Variants in HEPACAM2 observed in about 807,000 individuals in gnomAD.
The protein encoded by HEPACAM2 is HEPACAM family member 2, also known as mitotic kinetics regulator.
Under a neutral mutation model 49.6 loss-of-function variants are expected in HEPACAM2, and 49 were observed. The observed-to-expected ratio is 0.99, with a 90% CI of 0.78 to 1.25. The LOEUF (loss-of-function observed/expected upper bound fraction) is 1.25. Ranked by LOEUF, HEPACAM2 falls within the 50% of genes most tolerant of loss-of-function variation. The probability of loss-of-function intolerance (pLI) is 0.00; values close to 1 mark genes in which losing one functional copy is unlikely to be tolerated. For missense variants in HEPACAM2, 525 were observed against 557.2 expected (o/e 0.94, Z 0.58); for synonymous variants, 197 against 202.9 (o/e 0.97, Z 0.25).
rs370421847 is a variant in HEPACAM2 at position 93,203,594 on chromosome 7, T to C, written c.1012+4986A>G. Among the ~76,000 whole-genome samples the C allele has an allele frequency of 7.2e-5, 11 of 152,232 alleles. No individual in the cohort carries two copies. In the East Asian group the frequency reaches 2.1e-3, roughly 29 times the overall value. On this transcript the variant is annotated intron_variant, in intron 4 of 9. Transcript: ENST00000394468. ...TCCCCATTATTTAAACATGATGGAC[T>C]CATGTGCCAAAGCCATAGTGCAAAT...
At chr7:93,213,470 C>G (rs1023255709) in intron 3 of HEPACAM2, among the ~76,000 whole-genome samples, 3 of 151,684 alleles carry the variant, frequency 2.0e-5, no homozygotes, top group African/African-American at 7.3e-5. Flanking sequence ...TGCTAAAGGT[C>G]AGGAAAAAAA....
At chr7:93,220,886 C>T (rs1000628266) in intron 1 of HEPACAM2, among the ~76,000 whole-genome samples, 2 of 152,112 alleles carry the variant, frequency 1.3e-5, no homozygotes, top group Admixed American at 1.3e-4. Flanking sequence ...AAGCTCTTTG[C>T]TTCAAAATCC....
At chr7:93,218,133 T>C (rs1046679009) in intron 2 of HEPACAM2, among the ~76,000 whole-genome samples, 6 of 151,008 alleles carry the variant, frequency 4.0e-5, no homozygotes, top group African/African-American at 9.8e-5. Context: ...CAGAACCGAG[T>C]GAGTGAGGGG....
intron 4 of HEPACAM2, among the ~76,000 whole-genome samples, chr7:93,203,334 T>C (rs561606041): frequency 1.3e-5 from 2 of 152,192 alleles, no homozygotes; most frequent in South Asian, 4.1e-4. Context: ...AAGTGCCAAA[T>C]ATGTAAAGGA....
chr7:93,191,567 C>A (rs1279931315), intron 9 of HEPACAM2, among the ~76,000 whole-genome samples: 1 of 152,194 alleles, frequency 6.6e-6, no homozygotes, highest in East Asian at 1.9e-4. Flanking sequence ...TGACTGCAGG[C>A]AGCTATAGCC....
At chr7:93,218,411 C>T (rs965005108) in intron 2 of HEPACAM2, among the ~76,000 whole-genome samples, 6 of 151,962 alleles carry the variant, frequency 3.9e-5, no homozygotes, top group South Asian at 2.1e-4. Flanking sequence ...TAGGCTTTCC[C>T]GTGGACTGGA....
chr7:93,191,124 A>G (rs953307338), intron 9 of HEPACAM2, among the ~76,000 whole-genome samples: 11 of 152,046 alleles, frequency 7.2e-5, no homozygotes, highest in African/African-American at 2.7e-4. Context: ...AGAATTAGGT[A>G]TCATTTTAGA....
At chr7:93,223,803 A>G (rs1467090795) in intron 1 of HEPACAM2, among the ~76,000 whole-genome samples, 1 of 152,184 alleles carries the variant, frequency 6.6e-6, no homozygotes, top group East Asian at 1.9e-4. Flanking sequence ...ACAGTATCTT[A>G]TCTCAGCCAC....
At chr7:93,215,341 G>A in intron 3 of HEPACAM2, 60 bp downstream of exon 3, 2 of 1,457,512 alleles carry the variant, frequency 1.4e-6, no homozygotes, top group Non-Finnish European at 1.9e-6. Context: ...TGACTATCCT[G>A]GGAGATATTC....
intron 1 of HEPACAM2, among the ~76,000 whole-genome samples, chr7:93,220,383 G>C (rs1049582065): frequency 6.6e-6 from 1 of 152,152 alleles, no homozygotes; most frequent in Non-Finnish European, 1.5e-5. Context: ...TTGGAAAAAG[G>C]CTGATTGTGA....
chr7:93,206,800 A>T (rs971440616), intron 4 of HEPACAM2, among the ~76,000 whole-genome samples: 1 of 152,012 alleles, frequency 6.6e-6, no homozygotes, highest in Non-Finnish European at 1.5e-5. Context: ...ATCCCAAAAT[A>T]CCGAGGTGAT....
In HEPACAM2 at chr7:93,189,044, T is replaced by C. The variant is rs946183313; in HGVS notation, c.*223A>G. ...GAGAACGACTCTCCACTGAGGAATA[T>C]TTCCCCAACATGTTTTTCTGTTGCA... On this transcript the variant is annotated 3_prime_UTR_variant, in exon 10 of 10. Coordinates refer to ENST00000394468, the MANE Select transcript of HEPACAM2 (RefSeq NM_001039372.4). 4.0e-6 allele frequency: 2 copies of C among 500,724 alleles called. No homozygotes were observed. The highest frequency in any genetic ancestry group is 4.0e-5 in the African/African-American group (2 of 50,574). 31.0% of individuals were successfully genotyped at this position (500,724 alleles called of 1,614,324 possible). A position where few individuals can be genotyped will look rare whatever the true frequency, so the allele number is the denominator to read the frequency against.
At chr7:93,193,113 C>A (rs889421983) in intron 8 of HEPACAM2, among the ~76,000 whole-genome samples, 1 of 152,140 alleles carries the variant, frequency 6.6e-6, no homozygotes, top group African/African-American at 2.4e-5. Context: ...AATCCTACTT[C>A]TGTCCACTTT....
upstream of HEPACAM2, among the ~76,000 whole-genome samples, chr7:93,230,326 T>C (rs1468152554): frequency 6.6e-6 from 1 of 152,168 alleles, no homozygotes; most frequent in Non-Finnish European, 1.5e-5. Flanking sequence ...ACAGATACGT[T>C]TTCTCATCTT....
intron 4 of HEPACAM2, among the ~76,000 whole-genome samples, chr7:93,198,229 A>G (rs1212016349): frequency 1.3e-5 from 2 of 152,132 alleles, no homozygotes; most frequent in Admixed American, 6.6e-5. Context: ...ACTTTGTTTT[A>G]TCAGTCATTC....
In HEPACAM2 at chr7:93,197,296, G is replaced by A; in HGVS notation, c.1164-18C>T. 2 of 1,609,590 alleles carry A rather than the reference G, an allele frequency of 1.2e-6. No homozygotes were observed. The highest frequency in any genetic ancestry group is 1.1e-5 in the South Asian group (1 of 90,126). On this transcript the variant is annotated intron_variant, in intron 6 of 9. Transcript: ENST00000394468. ...TTTCTGGCCTGAAAAGACAAAATAG[G>A]TATTTTTGTCAGGGATAATAATTGA...
intron 5 of HEPACAM2, 41 bp downstream of exon 5, chr7:93,197,444 A>G (rs775890466): frequency 2.5e-6 from 4 of 1,587,670 alleles, no homozygotes; most frequent in Non-Finnish European, 3.4e-6. Flanking sequence ...TTTAGTACAC[A>G]TATATACAGC....
At chr7:93,211,820 T>C (rs1263986949) in intron 3 of HEPACAM2, among the ~76,000 whole-genome samples, 1 of 152,034 alleles carries the variant, frequency 6.6e-6, no homozygotes, top group Admixed American at 6.6e-5. Flanking sequence ...AGGGTCTTTC[T>C]GAGAGTAGAG....
rs572370896 is a variant in HEPACAM2, at chr7:93,200,061, A to G, written c.1013-2451T>C. Among the ~76,000 whole-genome samples the G allele has an allele frequency of 2.6e-5, 4 of 152,018 alleles. No individual in the cohort carries two copies. The South Asian group carries it at 8.3e-4, about 32-fold the overall frequency. On this transcript the variant is annotated intron_variant, in intron 4 of 9. Coordinates refer to ENST00000394468, the MANE Select transcript of HEPACAM2 (RefSeq NM_001039372.4). ...TTGATTTTTTTTAATGACTATACAA[A>G]TAGTCATATGAAAAGGGTGTATTCT...
Sources: allele counts gnomAD v4.1 joint callset (sites outside exome capture counted in the v4.1 genomes callset), GRCh38; gene constraint gnomAD v4.1.1; transcripts MANE v1.5; gene names NCBI Gene and HGNC (gene_info 2026-07-23, HGNC 2026-07-21).